Variants in RNF150 observed in about 807,000 individuals in gnomAD.
RNF150 encodes the protein ring finger protein 150.
Under a neutral mutation model 39.3 loss-of-function variants are expected in RNF150, and 24 were observed. The ratio of observed to expected loss-of-function variants is 0.61; its 90% confidence interval spans 0.44 to 0.86. The LOEUF (loss-of-function observed/expected upper bound fraction) is 0.86. Ranked by LOEUF, RNF150 falls within the 40% of genes least tolerant of loss-of-function variation. RNF150 has a pLI of 0.00. For synonymous variants in RNF150, 255 were observed against 227.3 expected (o/e 1.12, Z -1.10); for missense variants, 502 against 587.8 (o/e 0.85, Z 1.51).
chr4:141,115,949 C>G (rs1458798546), intron 1 of RNF150, among the ~76,000 whole-genome samples: 4 of 152,142 alleles, frequency 2.6e-5, no homozygotes, highest in Non-Finnish European at 1.5e-5. Flanking sequence ...AGGCAGAAAA[C>G]TGAAACTGGA....
intron 1 of RNF150, among the ~76,000 whole-genome samples, chr4:141,094,627 C>A (rs1282664232): frequency 6.6e-6 from 1 of 152,256 alleles, no homozygotes; most frequent in Non-Finnish European, 1.5e-5. Context: ...CAAAAACAGG[C>A]CTCAGGCCAG....
chr4:140,879,824 GA>G (rs984166013), intron 6 of RNF150, among the ~76,000 whole-genome samples: 15 of 148,730 alleles, frequency 1.0e-4, no homozygotes, highest in East Asian at 2.0e-4. Context: ...GTCTCAAAAA[GA>G]AAAAAAAAAT....
At chr4:140,921,646 C>T (rs746553420) in intron 5 of RNF150, among the ~76,000 whole-genome samples, 32 of 152,196 alleles carry the variant, frequency 2.1e-4, no homozygotes, top group African/African-American at 7.2e-4. Flanking sequence ...GATACCAAAG[C>T]CTGGCAGAGA....
In RNF150 at chr4:140,975,773, C is replaced by T. The variant is rs190773537; in HGVS notation, c.485-7900G>A. ...AGTATGTTTAGACAGCCCCAAGCAC[C>T]AAGAAACAACCAATGAGGCTTCCCA... is the stretch of plus-strand genomic sequence containing the variant. On this transcript the variant is annotated intron_variant, in intron 1 of 6. Coordinates refer to ENST00000515673, the MANE Select transcript of RNF150 (RefSeq NM_020724.2). 9.9e-5 allele frequency among the ~76,000 whole-genome samples: 15 copies of T among 152,230 alleles called. No individual in the cohort carries two copies. The East Asian group carries it at 2.9e-3, about 29-fold the overall frequency.
intron 1 of RNF150, among the ~76,000 whole-genome samples, chr4:141,190,202 G>A (rs995555596): frequency 2.6e-5 from 4 of 152,104 alleles, no homozygotes; most frequent in Non-Finnish European, 5.9e-5. Context: ...ACCTCAGTTG[G>A]AAATGCAGAA....
At chr4:141,134,409 A>G (rs1726990635), upstream of RNF150, among the ~76,000 whole-genome samples, 2 of 152,194 alleles carry the variant, frequency 1.3e-5, no homozygotes, top group African/African-American at 4.8e-5. Flanking sequence ...TATCATTTAC[A>G]TTGTGTTTCC....
At chr4:141,099,530 T>C (rs1738929879) in intron 1 of RNF150, among the ~76,000 whole-genome samples, 1 of 152,170 alleles carries the variant, frequency 6.6e-6, no homozygotes, top group Non-Finnish European at 1.5e-5. Flanking sequence ...AAGTATTGCA[T>C]GGCCACCATG....
rs1027133784 is a variant in RNF150 at position 140,863,853 on chromosome 4, G to C, written c.*4408C>G. 1 of 151,992 alleles carries C rather than the reference G, an allele frequency of 6.6e-6. No individual in the cohort carries two copies. The highest frequency in any genetic ancestry group is 1.5e-5 in the Non-Finnish European group (1 of 67,992). The allele number at this position is 151,992 out of a possible 1,614,324, so 9.4% of individuals were successfully genotyped here. A position where few individuals can be genotyped will look rare whatever the true frequency, so the allele number is the denominator to read the frequency against. On this transcript the variant is annotated 3_prime_UTR_variant, in exon 7 of 7. Transcript: ENST00000515673. ...ATTTAAGGATTTTTTTTTAAGTCAG[G>C]GTGATACATTCAATGGATAACTAAA...
chr4:140,954,228 T>C (rs1220330915), intron 2 of RNF150, among the ~76,000 whole-genome samples: 2 of 152,068 alleles, frequency 1.3e-5, no homozygotes, highest in Non-Finnish European at 2.9e-5. Context: ...TTATTATTAT[T>C]TTTGAGACAG....
At chr4:141,070,327 A>G (rs1438874171) in intron 1 of RNF150, among the ~76,000 whole-genome samples, 5 of 151,938 alleles carry the variant, frequency 3.3e-5, no homozygotes, top group South Asian at 2.1e-4. Flanking sequence ...ATGGGCAAGG[A>G]CTTCATGTCT....
intron 1 of RNF150, among the ~76,000 whole-genome samples, chr4:141,050,154 T>C (rs1006900220): frequency 2.0e-5 from 3 of 152,124 alleles, no homozygotes; most frequent in African/African-American, 4.8e-5. Context: ...TTATAAAAAC[T>C]ACTTATAAGT....
At chr4:141,072,735 A>C (rs1737754003) in intron 1 of RNF150, among the ~76,000 whole-genome samples, 1 of 152,162 alleles carries the variant, frequency 6.6e-6, no homozygotes, top group Admixed American at 6.5e-5. Context: ...TATGAAAAGT[A>C]ATTTCAGTTC....
intron 1 of RNF150, among the ~76,000 whole-genome samples, chr4:141,177,798 AGGTGCTCACG>A (rs1167083532): frequency 6.6e-6 from 1 of 152,158 alleles, no homozygotes; most frequent in Non-Finnish European, 1.5e-5. Flanking sequence ...GGAGGCCAGG[AGGTGCTCACG>A]GATAACTCCT....
intron 1 of RNF150, among the ~76,000 whole-genome samples, chr4:140,968,736 T>C (rs765184773): frequency 2.0e-5 from 3 of 151,848 alleles, no homozygotes; most frequent in Non-Finnish European, 4.4e-5. Flanking sequence ...ATATGGGTCA[T>C]TGTCCTTACG....
intron 1 of RNF150, among the ~76,000 whole-genome samples, chr4:141,066,948 G>A (rs959674230): frequency 3.3e-5 from 5 of 152,254 alleles, no homozygotes; most frequent in Middle Eastern, 6.8e-3. Context: ...GTGGTATGCC[G>A]TATTGCTCCT....
chr4:141,034,224 GT>G, intron 1 of RNF150, among the ~76,000 whole-genome samples: 1 of 152,274 alleles, frequency 6.6e-6, no homozygotes, highest in East Asian at 1.9e-4. Flanking sequence ...GCATTTTTAT[GT>G]TTTGGAGATT....
intron 1 of RNF150, among the ~76,000 whole-genome samples, chr4:141,099,489 G>A (rs1738928244): frequency 6.6e-6 from 1 of 152,112 alleles, no homozygotes; most frequent in Non-Finnish European, 1.5e-5. Context: ...CAGGAGAAGG[G>A]CAAAAAGAAA....
chr4:141,042,290 T>C (rs1318169588), intron 1 of RNF150, among the ~76,000 whole-genome samples: 2 of 152,124 alleles, frequency 1.3e-5, no homozygotes, highest in Admixed American at 6.6e-5. Context: ...AAGAATTAGA[T>C]TGCTCAAGAC....
At chr4:141,148,035 T>A (rs1305487163) in intron 1 of RNF150, among the ~76,000 whole-genome samples, 1 of 152,148 alleles carries the variant, frequency 6.6e-6, no homozygotes, top group African/African-American at 2.4e-5. Context: ...TCCTTAATTT[T>A]AGGATATATT....
Sources: gnomAD v4.1 joint callset for allele counts (sites outside exome capture counted in the v4.1 genomes callset) on GRCh38, gnomAD v4.1.1 for gene constraint, MANE v1.5 for transcripts, NCBI Gene and HGNC (gene_info 2026-07-23, HGNC 2026-07-21) for gene names.